The following ABCC11 variants were observed in gnomAD, a reference collection of about 807,000 sequenced individuals.
ABCC11 encodes the protein ATP binding cassette subfamily C member 11.
Under a neutral mutation model 149.3 loss-of-function variants are expected in ABCC11, and 135 were observed. That is an observed-to-expected ratio of 0.90 (90% CI 0.79 to 1.04). The LOEUF is 1.04. Among genes scored for constraint, ABCC11 ranks in the 50% least tolerant of loss-of-function variants. ABCC11 has a pLI of 0.00. For missense variants in ABCC11, 1,680 were observed against 1,722.1 expected, an observed-to-expected ratio of 0.98 and a Z score of 0.43; for synonymous variants, 665 against 671.4, an observed-to-expected ratio of 0.99 and a Z score of 0.15.
In ABCC11 at chr16:48,239,618, G is replaced by A. The variant is rs960472498; in HGVS notation, c.-18-7679C>T. Reference sequence around the variant, plus strand: ...TAATACCATTCAGGATATAGGCACCGGCAAGATTTCATGATGAAAACAACA... The same window carrying A: ...TAATACCATTCAGGATATAGGCACCAGCAAGATTTCATGATGAAAACAACA... On this transcript the variant is annotated intron_variant, in intron 1 of 29. Transcript: ENST00000356608. Among the ~76,000 whole-genome samples, 58 of 149,390 alleles carry A rather than the reference G, an allele frequency of 3.9e-4. 1 individual carries two copies. Among genetic ancestry groups the A allele is most frequent in the Non-Finnish European group, 8.9e-5 (6 of 67,486 alleles).
rs764930085 is a variant in ABCC11, at chr16:48,205,399, T to C, written c.1805+14A>G. The C allele has an allele frequency of 7.4e-6, 12 of 1,614,000 alleles. No individual in the cohort carries two copies. Among genetic ancestry groups the C allele is most frequent in the Non-Finnish European group, 1.0e-5 (12 of 1,179,942 alleles). ...CATGCCCTGTACTCTCCCTTTCCCCTCCCAGGAGCTTACCGGGCCTTGTCA... is the reference window on the plus strand; with the variant it reads ...CATGCCCTGTACTCTCCCTTTCCCCCCCCAGGAGCTTACCGGGCCTTGTCA... On this transcript the variant is annotated intron_variant, in intron 13 of 29. Coordinates refer to ENST00000356608, the MANE Select transcript of ABCC11 (RefSeq NM_001370497.1).
chr16:48,205,558 C>T, intron 12 of ABCC11, 21 bp from the exon 13 acceptor site: 5 of 1,612,110 alleles, frequency 3.1e-6, no homozygotes, highest in Non-Finnish European at 2.5e-6. Flanking sequence ...ATGAGTCCAG[C>T]CTCAGGACCA....
chr16:48,238,602 GCA>G (rs1491286389), intron 1 of ABCC11, among the ~76,000 whole-genome samples: 1 of 145,098 alleles, frequency 6.9e-6, no homozygotes, highest in African/African-American at 2.7e-5. Context: ...AACAATTCAA[GCA>G]AAAAAAAACA....
chr16:48,180,472 A>G (rs1966360065), intron 23 of ABCC11, among the ~76,000 whole-genome samples: 1 of 152,132 alleles, frequency 6.6e-6, no homozygotes, highest in South Asian at 2.1e-4. Flanking sequence ...GCATAGGCCT[A>G]CCCCAGCCTT....
chr16:48,194,324 G>C (rs1329866047), intron 18 of ABCC11, among the ~76,000 whole-genome samples: 2 of 152,192 alleles, frequency 1.3e-5, no homozygotes, highest in African/African-American at 4.8e-5. Flanking sequence ...CCAGTGCCTG[G>C]CACAGGGCAG....
chr16:48,197,735 C>T (rs1302869048), intron 17 of ABCC11, among the ~76,000 whole-genome samples: 1 of 152,190 alleles, frequency 6.6e-6, no homozygotes, highest in East Asian at 1.9e-4. Flanking sequence ...CTCTGATGTA[C>T]AACCTTAGCT....
chr16:48,238,441 G>A (rs16946011), intron 1 of ABCC11, among the ~76,000 whole-genome samples: 6 of 152,016 alleles, frequency 3.9e-5, no homozygotes, highest in Admixed American at 3.3e-4. Flanking sequence ...CTGAGAAGTC[G>A]CTTAACAAAT....
intron 15 of ABCC11, 67 bp from the exon 16 acceptor site, chr16:48,198,342 C>T (rs1967630542): frequency 6.8e-7 from 1 of 1,480,638 alleles, no homozygotes; most frequent in Non-Finnish European, 9.3e-7. Flanking sequence ...TACTATTCAC[C>T]AGGAAAATGT....
At chr16:48,197,110 A>G (rs1242454415) in intron 17 of ABCC11, among the ~76,000 whole-genome samples, 1 of 152,138 alleles carries the variant, frequency 6.6e-6, no homozygotes, top group Non-Finnish European at 1.5e-5. Context: ...GGATCACTTA[A>G]GCTCAGGAGT....
At chr16:48,225,961 G>A (rs1374955946) in intron 4 of ABCC11, among the ~76,000 whole-genome samples, 2 of 152,206 alleles carry the variant, frequency 1.3e-5, no homozygotes, top group Non-Finnish European at 2.9e-5. Context: ...TGAACTGGAA[G>A]AGAATGGAAA....
chr16:48,230,499 G>A lies in ABCC11; in HGVS notation c.174C>T (p.Val58=). Reference sequence around the variant, plus strand: ...CAGCATCATACTTCCCCCACGGTGGGACAGCTGCCCTCCCTGGAGCCTCAG... The same window carrying A: ...CAGCATCATACTTCCCCCACGGTGGAACAGCTGCCCTCCCTGGAGCCTCAG... ...RNPEAPGRAA[V]PPWGKYDAAL... The change falls in exon 3 of 30, where the codon GTC becomes GTT. Residue 58 remains valine (V), a synonymous_variant. Coordinates refer to ENST00000356608, the MANE Select transcript of ABCC11 (RefSeq NM_001370497.1). 1 of 1,612,636 alleles carries A rather than the reference G, an allele frequency of 6.2e-7. No homozygotes were observed. Among genetic ancestry groups the A allele is most frequent in the Non-Finnish European group, 8.5e-7 (1 of 1,179,322 alleles).
At chr16:48,197,645 T>G (rs751841393) in intron 17 of ABCC11, among the ~76,000 whole-genome samples, 8 of 152,216 alleles carry the variant, frequency 5.3e-5, no homozygotes, top group Non-Finnish European at 1.0e-4. Flanking sequence ...TCTCTTGCAG[T>G]GTGTAATGAA....
intron 1 of ABCC11, among the ~76,000 whole-genome samples, chr16:48,236,554 A>G (rs1970699395): frequency 6.6e-6 from 1 of 152,240 alleles, no homozygotes; most frequent in African/African-American, 2.4e-5. Flanking sequence ...CCTTGGGTCT[A>G]GAAGAGTGCC....
At chr16:48,241,381 A>G (rs1201493817) in intron 1 of ABCC11, among the ~76,000 whole-genome samples, 3 of 152,234 alleles carry the variant, frequency 2.0e-5, no homozygotes, top group African/African-American at 4.8e-5. Flanking sequence ...CCCACTGCTC[A>G]ACGAAATAAA....
intron 23 of ABCC11, 93 bp downstream of exon 23, chr16:48,184,347 T>C (rs1966623268): frequency 7.0e-7 from 1 of 1,435,148 alleles, no homozygotes; most frequent in Non-Finnish European, 9.5e-7. Context: ...TAAGGTGTCA[T>C]TGAACACCTG....
At chr16:48,176,863 G>A (rs1311810333) in intron 25 of ABCC11, 61 bp downstream of exon 25, 2 of 1,548,454 alleles carry the variant, frequency 1.3e-6, no homozygotes, top group African/African-American at 2.7e-5. Flanking sequence ...CCCCTAAATA[G>A]GTCTAGTGCC....
chr16:48,205,066 T>C (rs757797942), intron 13 of ABCC11, among the ~76,000 whole-genome samples: 6 of 152,234 alleles, frequency 3.9e-5, no homozygotes, highest in Non-Finnish European at 8.8e-5. Context: ...ACAAATGAAG[T>C]TCAAATGTAG....
intron 10 of ABCC11, among the ~76,000 whole-genome samples, chr16:48,212,248 C>G (rs1003089944): frequency 1.3e-5 from 2 of 152,160 alleles, no homozygotes; most frequent in African/African-American, 4.8e-5. Flanking sequence ...CATCATCACT[C>G]AAAGTCATCT....
chr16:48,178,305 T>C (rs1389827464), intron 24 of ABCC11, among the ~76,000 whole-genome samples: 4 of 152,194 alleles, frequency 2.6e-5, no homozygotes, highest in Non-Finnish European at 5.9e-5. Flanking sequence ...ACAAAGATTG[T>C]TGTCATCATT....
Sources: allele counts gnomAD v4.1 joint callset (sites outside exome capture counted in the v4.1 genomes callset), GRCh38; gene constraint gnomAD v4.1.1; transcripts MANE v1.5; gene names NCBI Gene and HGNC (gene_info 2026-07-23, HGNC 2026-07-21).